Variants in DEDD2 observed in about 807,000 individuals in gnomAD.
The protein encoded by DEDD2 is death effector domain containing 2, also known as DNA-binding death effector domain-containing protein 2.
In DEDD2, 18 loss-of-function variants were observed where a neutral mutation model predicts 28.9. The observed-to-expected ratio is 0.62, with a 90% CI of 0.43 to 0.92. DEDD2 has a LOEUF of 0.92. Among genes scored for constraint, DEDD2 ranks in the 40% least tolerant of loss-of-function variants. DEDD2 has a pLI of 0.00. For synonymous variants in DEDD2, 211 were observed against 206.1 expected (o/e 1.02, Z -0.20); for missense variants, 411 against 463.3 (o/e 0.89, Z 1.04).
intron 4 of DEDD2, chr19:42,201,661 C>T (rs1476854187): frequency 8.5e-6 from 2 of 235,998 alleles, no homozygotes; most frequent in Non-Finnish European, 1.6e-5. Context: ...CCCCTGCTCC[C>T]CAAGACAACT....
At chr19:42,204,841 G>C (rs549993881) in intron 4 of DEDD2, among the ~76,000 whole-genome samples, 1 of 140,510 alleles carries the variant, frequency 7.1e-6, no homozygotes, top group African/African-American at 2.7e-5. Context: ...TGCCTCCCTC[G>C]TCTCTTCTCC....
In DEDD2 at chr19:42,216,701, C is replaced by G; in HGVS notation, c.307G>C (p.Ala103Pro). ...LARHDLLPHLARKRRRPVSPE... is the reference protein window; with the variant it reads ...LARHDLLPHLPRKRRRPVSPE... ...GTACCTGGCCGGCGCCGCTTGCGCG[C>G]CAGGTGCGGCAGCAGGTCGTGGCGG... The change falls in exon 2 of 5, where the codon GCG (alanine) becomes CCG (proline). Residue 103 changes from alanine to proline, a missense_variant. Transcript: ENST00000596251. The G allele has an allele frequency of 6.3e-7, 1 of 1,583,768 alleles. No homozygotes were observed. Among genetic ancestry groups the G allele is most frequent in the South Asian group, 1.1e-5 (1 of 87,884 alleles).
intron 3 of DEDD2, among the ~76,000 whole-genome samples, chr19:42,211,507 C>A (rs1230773321): frequency 6.6e-6 from 1 of 151,966 alleles, no homozygotes; most frequent in African/African-American, 2.4e-5. Context: ...TAATTGGTAA[C>A]AGGAATACTC....
Position 42,212,466 on chromosome 19 carries a change from GT to G in DEDD2, c.449-2627del, listed in dbSNP as rs922815242. Among the ~76,000 whole-genome samples, 517 of 143,356 alleles carry G rather than the reference GT, an allele frequency of 3.6e-3. 4 individuals carry two copies. The highest frequency in any genetic ancestry group is 0.012 in the African/African-American group (472 of 39,508). 94.0% of individuals were successfully genotyped at this position (143,356 alleles called of 152,430 possible). On this transcript the variant is annotated intron_variant, in intron 3 of 4. Coordinates refer to ENST00000596251, the MANE Select transcript of DEDD2 (RefSeq NM_133328.4). ...AGTGGCATGCCACCACACCCGGCTC[GT>G]TTTTTTTTTTTCTCTGAGACAGGGT...
At chr19:42,218,762 G>A (rs2036071962), upstream of DEDD2, among the ~76,000 whole-genome samples, 1 of 152,272 alleles carries the variant, frequency 6.6e-6, no homozygotes, top group Non-Finnish European at 1.5e-5. Context: ...GCTGCGCGCG[G>A]TAGCTCACGT....
At chr19:42,200,207 C>T (rs754853743) in intron 4 of DEDD2, among the ~76,000 whole-genome samples, 6 of 152,228 alleles carry the variant, frequency 3.9e-5, no homozygotes, top group African/African-American at 7.2e-5. Flanking sequence ...CCAGGTCCCA[C>T]ACCCTGCTCC....
chr19:42,211,733 T>C (rs1234159387), intron 3 of DEDD2, among the ~76,000 whole-genome samples: 2 of 152,108 alleles, frequency 1.3e-5, no homozygotes, highest in Non-Finnish European at 2.9e-5. Flanking sequence ...GGAAAGACTT[T>C]TAGTATAAAA....
intron 4 of DEDD2, among the ~76,000 whole-genome samples, chr19:42,206,228 C>T (rs2035529185): frequency 6.6e-6 from 1 of 152,020 alleles, no homozygotes; most frequent in African/African-American, 2.4e-5. Flanking sequence ...CCCGCCCTCA[C>T]CTCCTAGGGG....
chr19:42,201,055 C>A (rs149238642), intron 4 of DEDD2, among the ~76,000 whole-genome samples: 8 of 152,336 alleles, frequency 5.3e-5, no homozygotes, highest in Non-Finnish European at 1.0e-4. Context: ...ATCTGCCAGG[C>A]GCCAAGTGCT....
intron 4 of DEDD2, among the ~76,000 whole-genome samples, chr19:42,208,171 A>G: frequency 6.6e-6 from 1 of 152,152 alleles, no homozygotes; most frequent in East Asian, 1.9e-4. Context: ...AGAAAGGAGT[A>G]CTACAGTTGA....
Position 42,216,612 on chromosome 19 carries a change from C to T in DEDD2, c.328+68G>A, listed in dbSNP as rs1321230864. The T allele has an allele frequency of 4.1e-6, 6 of 1,456,606 alleles. No individual in the cohort carries two copies. In the Admixed American group the frequency reaches 1.4e-4, roughly 33 times the overall value. The allele number at this position is 1,456,606 out of a possible 1,614,324, so 90.2% of individuals were successfully genotyped here. A position where few individuals can be genotyped will look rare whatever the true frequency, so the allele number is the denominator to read the frequency against. On this transcript the variant is annotated intron_variant, in intron 2 of 4. Transcript: ENST00000596251. The stretch of plus-strand genomic sequence containing the variant: ...TATGGCACTGTCCGTATCAGGGCAC[C>T]AGGGAGGCCCAGCGGGAGCCAGGCC...
At chr19:42,204,752 C>T (rs950702792) in intron 4 of DEDD2, among the ~76,000 whole-genome samples, 1 of 150,422 alleles carries the variant, frequency 6.6e-6, no homozygotes, top group African/African-American at 2.4e-5. Context: ...GGAGAGACCC[C>T]ACCCCCGCCC....
At chr19:42,202,098 C>T (rs1599753749) in intron 4 of DEDD2, 2 of 398,586 alleles carry the variant, frequency 5.0e-6, no homozygotes, top group African/African-American at 4.1e-5. Context: ...ACAAGAGGTC[C>T]CTGCTGCACA....
chr19:42,207,119 C>T (rs924451395), intron 4 of DEDD2, among the ~76,000 whole-genome samples: 5 of 152,132 alleles, frequency 3.3e-5, no homozygotes, highest in Non-Finnish European at 5.9e-5. Context: ...CTGGCTGATT[C>T]GAGGGGGAGT....
intron 2 of DEDD2, among the ~76,000 whole-genome samples, chr19:42,215,837 A>G (rs1202611388): frequency 6.6e-6 from 1 of 152,142 alleles, no homozygotes; most frequent in Non-Finnish European, 1.5e-5. Flanking sequence ...GAAGGCTGCT[A>G]TCCTCCAGGA....
chr19:42,204,447 C>G (rs2035449064), intron 4 of DEDD2: 1 of 152,050 alleles, frequency 6.6e-6, no homozygotes, highest in South Asian at 2.1e-4. Context: ...AGCTCCCCCA[C>G]CCCCCAACTC....
chr19:42,216,990 C>A lies in DEDD2; in HGVS notation c.18G>T (p.Ser6=). Residue 6 remains serine, a synonymous_variant, in exon 2 of 5, where the codon TCG becomes TCT. Coordinates refer to ENST00000596251, the MANE Select transcript of DEDD2 (RefSeq NM_133328.4). MALSG[S]TPAPCWEEDE... is the part of the protein sequence containing the mutation. ...CCTCCTCCCAGCACGGGGCCGGGGTCGACCCGGATAGCGCCATTCCCGGGG... is the reference window on the plus strand; with the variant it reads ...CCTCCTCCCAGCACGGGGCCGGGGTAGACCCGGATAGCGCCATTCCCGGGG... 1 of 1,592,652 alleles carries A rather than the reference C, an allele frequency of 6.3e-7. No individual in the cohort carries two copies.
At position 42,205,307 on chromosome 19, in the gene DEDD2, G is replaced by A. The variant is rs189174410; in HGVS notation, c.589+4393C>T. 2.6e-5 allele frequency among the ~76,000 whole-genome samples: 4 copies of A among 152,304 alleles called. No homozygotes were observed. In the South Asian group the frequency reaches 6.2e-4, roughly 24 times the overall value. On this transcript the variant is annotated intron_variant, in intron 4 of 4. Coordinates refer to ENST00000596251, the MANE Select transcript of DEDD2 (RefSeq NM_133328.4). ...CCGATCAGATATTTGATAGTAAGGA[G>A]TTACTAATCTTTTTTGGCGTGAAAC... is the stretch of plus-strand genomic sequence containing the variant.
chr19:42,199,604 A>C lies in DEDD2; in HGVS notation c.815T>G (p.Leu272Arg). ...FWGDYLSGAL[L>R]QALRGVFLTE... is the part of the protein sequence containing the mutation. ...CAGGAACACGCCCCGCAGGGCCTGC[A>C]GCAGGGCGCCACTCAGGTAGTCGCC... Residue 272 changes from leucine (L) to arginine (R), a missense_variant, in exon 5 of 5, where the codon CTG (leucine) becomes CGG (arginine). Coordinates refer to ENST00000596251, the MANE Select transcript of DEDD2 (RefSeq NM_133328.4). This position sits in a 1 kb window ranked among gnomAD's most constrained non-coding sequence, Gnocchi z 7.4. The C allele has an allele frequency of 6.2e-7, 1 of 1,614,126 alleles. No individual in the cohort carries two copies. Among genetic ancestry groups the C allele is most frequent in the South Asian group, 1.1e-5 (1 of 91,084 alleles).
Sources: gnomAD v4.1 joint callset for allele counts (sites outside exome capture counted in the v4.1 genomes callset) on GRCh38, gnomAD v4.1.1 for gene constraint, Gnocchi (gnomAD v3.1) non-coding constraint, MANE v1.5 for transcripts, NCBI Gene and HGNC (gene_info 2026-07-23, HGNC 2026-07-21) for gene names.